Variants in ERICH6 observed in about 807,000 individuals in gnomAD.
ERICH6 encodes glutamate-rich protein 6.
Under a neutral mutation model 71.0 loss-of-function variants are expected in ERICH6, and 71 were observed. The observed-to-expected ratio is 1.00, with a 90% CI of 0.83 to 1.22. The LOEUF (loss-of-function observed/expected upper bound fraction) is 1.22, where lower values mean the gene tolerates loss of function less well. Among genes scored for constraint, ERICH6 ranks in the 50% most tolerant of loss-of-function variants. ERICH6 has a pLI of 0.00. For missense variants in ERICH6, 808 were observed against 797.2 expected, an observed-to-expected ratio of 1.01 and a Z score of -0.16; for synonymous variants, 262 against 278.4, an observed-to-expected ratio of 0.94 and a Z score of 0.59.
chr3:150,702,094 ATG>A, intron 2 of ERICH6, 25 bp downstream of exon 2: 1 of 1,455,342 alleles, frequency 6.9e-7, no homozygotes, highest in Middle Eastern at 2.1e-4. Flanking sequence ...GGTTCAAAAA[ATG>A]TGAAATTTGA....
chr3:150,687,491 A>G (rs1360673177), intron 3 of ERICH6, among the ~76,000 whole-genome samples: 1 of 152,160 alleles, frequency 6.6e-6, no homozygotes, highest in Non-Finnish European at 1.5e-5. Context: ...TTTAAGTACC[A>G]TCAATCTACT....
Position 150,659,998 on chromosome 3 carries a change from G to A in ERICH6, c.1886C>T (p.Ser629Phe), listed in dbSNP as rs1559906895. The change falls in exon 14 of 14, where the codon TCC becomes TTC. Residue 629 changes from serine to phenylalanine, a missense_variant. By Grantham distance (155) the Ser-to-Phe change is radical (BLOSUM62 -2). Around this residue, in one of 3 missense-constraint regions of ERICH6, gnomAD observed 736 missense variants for 712.2 expected, o/e 1.03. Transcript: ENST00000295910. ...SQVWEKLKQP[S>F]YLSSLSLKLI... is the part of the protein sequence containing the mutation. Reference sequence around the variant, plus strand: ...TTTTAGAGAAAGTGAAGAAAGGTAGGAAGGTTGCTTTAATTTTTCCCAAAC... The same window carrying A: ...TTTTAGAGAAAGTGAAGAAAGGTAGAAAGGTTGCTTTAATTTTTCCCAAAC... 1 of 1,614,160 alleles carries A rather than the reference G, an allele frequency of 6.2e-7. No homozygotes were observed. The highest frequency in any genetic ancestry group is 2.2e-5 in the East Asian group (1 of 44,878).
chr3:150,672,264 C>CATATATATATATATGTATATATATAT (rs1553752940), intron 11 of ERICH6, among the ~76,000 whole-genome samples: 8,276 of 123,268 alleles, frequency 0.067, 584 homozygotes, highest in Non-Finnish European at 0.094. Flanking sequence ...TTTATATATA[C>CATATATATATATATGTATATATATAT]ATATATATAT....
At chr3:150,663,458 T>G (rs1022489824) in intron 13 of ERICH6, among the ~76,000 whole-genome samples, 7 of 152,082 alleles carry the variant, frequency 4.6e-5, no homozygotes, top group Admixed American at 2.0e-4. Flanking sequence ...CTGTGTTAAG[T>G]TTTTTCTTTT....
At chr3:150,660,532 G>A (rs904120006) in intron 13 of ERICH6, among the ~76,000 whole-genome samples, 2 of 152,104 alleles carry the variant, frequency 1.3e-5, no homozygotes, top group Non-Finnish European at 2.9e-5. Flanking sequence ...GCACTGAGAA[G>A]GGCAATTTTC....
intron 3 of ERICH6, among the ~76,000 whole-genome samples, chr3:150,691,505 G>C (rs903422396): frequency 2.6e-5 from 4 of 152,092 alleles, no homozygotes; most frequent in Admixed American, 6.6e-5. Context: ...TAATTTCAAT[G>C]AGAAAGAAAG....
chr3:150,681,221 C>A (rs550762890), intron 7 of ERICH6, among the ~76,000 whole-genome samples: 18 of 152,340 alleles, frequency 1.2e-4, no homozygotes, highest in Non-Finnish European at 2.4e-4. Context: ...CAGCCCCTGG[C>A]AACCACTAAT....
chr3:150,687,280 T>C (rs1335516889), intron 3 of ERICH6, among the ~76,000 whole-genome samples: 1 of 152,204 alleles, frequency 6.6e-6, no homozygotes, highest in Non-Finnish European at 1.5e-5. Flanking sequence ...AGTGAGAGAT[T>C]TCGTCACTCA....
chr3:150,703,206 CAG>C lies in ERICH6; in HGVS notation c.403+288_403+289del, dbSNP rs541567866. 1.8e-3 allele frequency among the ~76,000 whole-genome samples: 276 copies of C among 151,224 alleles called. 2 individuals carry two copies. Among genetic ancestry groups the C allele is most frequent in the African/African-American group, 6.4e-3 (265 of 41,162 alleles). On this transcript the variant is annotated intron_variant, in intron 1 of 13. Coordinates refer to ENST00000295910, the MANE Select transcript of ERICH6 (RefSeq NM_152394.5). ...AGCCACTGCACTCCAGCCTGGGCGA[CAG>C]AGCGAGACTCTTGTCTAAAAAAAAA...
Position 150,685,719 on chromosome 3 carries a change from T to C in ERICH6, c.783+23A>G, listed in dbSNP as rs747201378. ...TATGTCATTTTTTTAAGAGTAATAA[T>C]AAGAAACATGAATTAAAGTCACCTT... On this transcript the variant is annotated intron_variant, in intron 6 of 13. Coordinates refer to ENST00000295910, the MANE Select transcript of ERICH6 (RefSeq NM_152394.5). The C allele has an allele frequency of 5.8e-6, 9 of 1,546,000 alleles. No individual in the cohort carries two copies. In the Admixed American group the frequency reaches 1.2e-4, roughly 20 times the overall value.
Position 150,666,770 on chromosome 3 carries a change from T to G in ERICH6, c.1728+17A>C, listed in dbSNP as rs370184261. 1.2e-6 allele frequency: 2 copies of G among 1,606,394 alleles called. No individual in the cohort carries two copies. The highest frequency in any genetic ancestry group is 2.7e-5 in the African/African-American group (2 of 74,504). On this transcript the variant is annotated intron_variant, in intron 13 of 13. Coordinates refer to ENST00000295910, the MANE Select transcript of ERICH6 (RefSeq NM_152394.5). ...ATTATTCTAAATGCTTTAAACTGTTTTTAAAAATGTACCTACCTTCACTTT... is the reference window on the plus strand; with the variant it reads ...ATTATTCTAAATGCTTTAAACTGTTGTTAAAAATGTACCTACCTTCACTTT...
chr3:150,680,783 CT>C lies in ERICH6; in HGVS notation c.1029del (p.Ala344ProfsTer16). On this transcript the variant is annotated frameshift_variant, in exon 8 of 14. Transcript: ENST00000295910. LOFTEE classifies it high-confidence loss of function. ...SEVDRLKAKE[K>X]ALQRKQEQRM... is the part of the protein sequence containing the mutation. The stretch of plus-strand genomic sequence containing the variant: ...AAGTCTCAATGTTACCTTTGCAGGG[CT>C]TTTTCTTTTGCCTTGAGTCTGTCGA... 6.2e-7 allele frequency: 1 copy of C among 1,603,478 alleles called. No homozygotes were observed. Among genetic ancestry groups the C allele is most frequent in the Admixed American group, 1.8e-5 (1 of 56,232 alleles).
intron 10 of ERICH6, among the ~76,000 whole-genome samples, chr3:150,674,866 C>T (rs1356160772): frequency 6.6e-6 from 1 of 151,942 alleles, no homozygotes; most frequent in African/African-American, 2.4e-5. Flanking sequence ...GGCGCAGTGG[C>T]TCACACCCAT....
chr3:150,679,861 T>C (rs940936848), intron 9 of ERICH6, among the ~76,000 whole-genome samples: 6 of 152,204 alleles, frequency 3.9e-5, no homozygotes, highest in African/African-American at 1.4e-4. Context: ...TTTCACTATG[T>C]TGGCCAGGCT....
intron 11 of ERICH6, 141 bp from the exon 12 acceptor site, chr3:150,669,592 CT>C (rs1711497208): frequency 1.1e-6 from 1 of 888,032 alleles, no homozygotes; most frequent in Non-Finnish European, 1.7e-6. Flanking sequence ...AGATTTTATG[CT>C]TTTTATGTGG....
intron 3 of ERICH6, among the ~76,000 whole-genome samples, chr3:150,688,922 C>T (rs1005819521): frequency 2.0e-4 from 30 of 152,330 alleles, no homozygotes; most frequent in African/African-American, 6.7e-4. Context: ...GTCACAGGTG[C>T]GCATCCTCAA....
At chr3:150,681,123 T>A (rs1382446229) in intron 7 of ERICH6, among the ~76,000 whole-genome samples, 193 bp from the exon 8 acceptor site, 3 of 152,026 alleles carry the variant, frequency 2.0e-5, no homozygotes, top group Non-Finnish European at 2.9e-5. Flanking sequence ...TTTAGTATAT[T>A]CACAGAGTTG....
chr3:150,672,940 G>T (rs1037343781), intron 11 of ERICH6, among the ~76,000 whole-genome samples: 12 of 151,944 alleles, frequency 7.9e-5, no homozygotes, highest in African/African-American at 2.7e-4. Flanking sequence ...TGGGGGGACT[G>T]CTTGAACCCA....
rs1283473439 is a variant in ERICH6 at position 150,682,224 on chromosome 3, T to C, written c.876A>G (p.Lys292=). Residue 292 remains lysine (K), a synonymous_variant, in exon 7 of 14, where the codon AAA becomes AAG. Transcript: ENST00000295910. Reference sequence around the variant, plus strand: ...AACCTGACTTAGAACTTACATGCCCTTTTGGTTCAGAGGAAACATCCACAT... The same window carrying C: ...AACCTGACTTAGAACTTACATGCCCCTTTGGTTCAGAGGAAACATCCACAT... ...FSNVDVSSEP[K]GHASCCIAFQ... The C allele has an allele frequency of 6.2e-7, 1 of 1,612,932 alleles. No homozygotes were observed. Among genetic ancestry groups the C allele is most frequent in the Admixed American group, 1.7e-5 (1 of 59,996 alleles).
Sources: gnomAD v4.1 joint callset for allele counts (sites outside exome capture counted in the v4.1 genomes callset) on GRCh38, gnomAD v4.1.1 for gene constraint, gnomAD v4.1.1 regional missense constraint, MANE v1.5 for transcripts, NCBI Gene and HGNC (gene_info 2026-07-23, HGNC 2026-07-21) for gene names.